Variants in ATF6 observed in about 807,000 individuals in gnomAD.
ATF6 encodes cyclic AMP-dependent transcription factor ATF-6 alpha.
ATF6 carries 53 observed loss-of-function variants against 83.6 expected under a neutral mutation model. The observed-to-expected ratio is 0.63, with a 90% CI of 0.51 to 0.80. ATF6 has a LOEUF of 0.80. ATF6 is among the 30% of genes least tolerant of loss of function. The pLI is 0.00. For synonymous variants in ATF6, 288 were observed against 285.8 expected, an observed-to-expected ratio of 1.01 and a Z score of -0.08; for missense variants, 744 against 797.9, an observed-to-expected ratio of 0.93 and a Z score of 0.81.
rs570769631 is a variant in ATF6 at position 161,874,112 on chromosome 1, A to G, written c.1719+10800A>G. ...TCTAAGTGCCATTTTGCATGAGGGA[A>G]ATTATATACCTAGTAAGAATTTCTC... On this transcript the variant is annotated intron_variant, in intron 14 of 15. Coordinates refer to ENST00000367942, the MANE Select transcript of ATF6 (RefSeq NM_007348.4). Among the ~76,000 whole-genome samples the G allele has an allele frequency of 2.0e-5, 3 of 151,764 alleles. No individual in the cohort carries two copies. In the East Asian group the frequency reaches 5.8e-4, roughly 29 times the overall value.
intron 7 of ATF6, among the ~76,000 whole-genome samples, chr1:161,806,530 G>A (rs1432361509): frequency 6.6e-6 from 1 of 152,186 alleles, no homozygotes; most frequent in Non-Finnish European, 1.5e-5. Context: ...AAAGTATCCA[G>A]AACTGATATA....
chr1:161,893,033 G>C (rs550133272), intron 14 of ATF6, among the ~76,000 whole-genome samples: 33 of 152,130 alleles, frequency 2.2e-4, no homozygotes, highest in African/African-American at 7.2e-4. Context: ...CTATATGGTT[G>C]GTATTTTTAA....
chr1:161,822,551 A>T (rs940612188), intron 9 of ATF6, among the ~76,000 whole-genome samples: 4 of 150,902 alleles, frequency 2.7e-5, no homozygotes, highest in African/African-American at 7.4e-5. Context: ...TTAAAAAAAA[A>T]CATTTTTTAT....
intron 14 of ATF6, among the ~76,000 whole-genome samples, chr1:161,872,295 T>C (rs981580161): frequency 3.7e-4 from 56 of 151,716 alleles, no homozygotes; most frequent in Admixed American, 1.2e-3. Context: ...TCTGGCTCTA[T>C]GTTCTTGATC....
intron 14 of ATF6, among the ~76,000 whole-genome samples, chr1:161,905,098 T>C (rs1447452112): frequency 6.6e-6 from 1 of 152,174 alleles, no homozygotes; most frequent in Non-Finnish European, 1.5e-5. Context: ...CTGAGGCTCA[T>C]GCAAGGAGAG....
At chr1:161,943,022 A>G (rs1233035567) in intron 15 of ATF6, among the ~76,000 whole-genome samples, 4 of 152,108 alleles carry the variant, frequency 2.6e-5, no homozygotes, top group Non-Finnish European at 5.9e-5. Context: ...CACCCGGCTA[A>G]TTTTTGTATT....
intron 12 of ATF6, 44 bp downstream of exon 12, chr1:161,853,367 G>A: frequency 6.7e-7 from 1 of 1,484,366 alleles, no homozygotes; most frequent in Non-Finnish European, 9.4e-7. Context: ...CGTATTTGTT[G>A]GAAGGCTTCT....
intron 4 of ATF6, among the ~76,000 whole-genome samples, chr1:161,789,799 C>T (rs369655904): frequency 9.2e-5 from 14 of 152,238 alleles, no homozygotes; most frequent in African/African-American, 3.4e-4. Context: ...ACCTTTTAAG[C>T]ATCAAAGGCC....
intron 1 of ATF6, among the ~76,000 whole-genome samples, chr1:161,767,876 A>G (rs1340511873): frequency 1.3e-5 from 2 of 151,740 alleles, no homozygotes; most frequent in Non-Finnish European, 2.9e-5. Context: ...TTTTTTTGAG[A>G]TGGAGTTTCG....
At chr1:161,791,826 A>G (rs927976951) in intron 5 of ATF6, among the ~76,000 whole-genome samples, 3 of 152,212 alleles carry the variant, frequency 2.0e-5, no homozygotes, top group African/African-American at 7.2e-5. Flanking sequence ...GAATGGAGCT[A>G]TGACATTTGT....
chr1:161,848,932 C>CT (rs781537056), intron 10 of ATF6, among the ~76,000 whole-genome samples: 273 of 140,074 alleles, frequency 1.9e-3, no homozygotes, highest in Middle Eastern at 7.2e-3. Context: ...TCCTATCAGA[C>CT]TTTTTTTTTT....
At chr1:161,779,048 C>T (rs1035732141) in intron 2 of ATF6, among the ~76,000 whole-genome samples, 4 of 152,120 alleles carry the variant, frequency 2.6e-5, no homozygotes, top group African/African-American at 4.8e-5. Context: ...GAGTTTCAGA[C>T]ATTTCTTAAA....
chr1:161,957,954 G>T (rs553630704), intron 15 of ATF6, among the ~76,000 whole-genome samples: 1 of 152,310 alleles, frequency 6.6e-6, no homozygotes, highest in Non-Finnish European at 1.5e-5. Flanking sequence ...AAATATTACT[G>T]ATGAATAGGA....
At chr1:161,924,569 G>A (rs1688272657) in intron 15 of ATF6, among the ~76,000 whole-genome samples, 1 of 152,166 alleles carries the variant, frequency 6.6e-6, no homozygotes, top group African/African-American at 2.4e-5. Flanking sequence ...GCCTCTATAT[G>A]TATTATTAAT....
intron 12 of ATF6, among the ~76,000 whole-genome samples, chr1:161,859,611 A>G (rs994496601): frequency 6.6e-6 from 1 of 152,216 alleles, no homozygotes; most frequent in Middle Eastern, 3.2e-3. Context: ...ATCAGCTTAC[A>G]TAACTACCAG....
chr1:161,873,686 G>A (rs16858113), intron 14 of ATF6, among the ~76,000 whole-genome samples: 21,504 of 151,462 alleles, frequency 0.14, 2,091 homozygotes, highest in East Asian at 0.32. Context: ...GAGATATCCA[G>A]TTCATAATAT....
chr1:161,887,217 A>G (rs893320542), intron 14 of ATF6, among the ~76,000 whole-genome samples: 38 of 150,926 alleles, frequency 2.5e-4, no homozygotes, highest in Admixed American at 5.9e-4. Flanking sequence ...AATTACAGGC[A>G]TATGCCACCA....
chr1:161,942,786 A>G (rs919769860), intron 15 of ATF6, among the ~76,000 whole-genome samples: 5 of 152,228 alleles, frequency 3.3e-5, no homozygotes, highest in African/African-American at 1.2e-4. Flanking sequence ...TCTAGAATCA[A>G]GGCCCAAATC....
chr1:161,826,026 T>C (rs982757067), intron 9 of ATF6, among the ~76,000 whole-genome samples: 1 of 152,226 alleles, frequency 6.6e-6, no homozygotes, highest in African/African-American at 2.4e-5. Context: ...AGGAGCTCTG[T>C]GACAGGAACC....
Sources: allele counts gnomAD v4.1 joint callset (sites outside exome capture counted in the v4.1 genomes callset), GRCh38; gene constraint gnomAD v4.1.1; transcripts MANE v1.5; gene names NCBI Gene and HGNC (gene_info 2026-07-23, HGNC 2026-07-21).